PTPRM: variants seen among roughly 807,000 people sequenced by gnomAD.
PTPRM encodes the protein receptor-type tyrosine-protein phosphatase mu.
PTPRM carries 47 observed loss-of-function variants against 186.7 expected under a neutral mutation model. The observed-to-expected ratio is 0.25, with a 90% confidence interval of 0.20 to 0.32. The LOEUF (loss-of-function observed/expected upper bound fraction) is 0.32, where lower values mean the gene tolerates loss of function less well. Ranked by LOEUF, PTPRM falls within the 10% of genes least tolerant of loss-of-function variation. The pLI is 1.00. For synonymous variants in PTPRM, 668 were observed against 674.9 expected, an observed-to-expected ratio of 0.99 and a Z score of 0.16; for missense variants, 1,494 against 1,865.0, an observed-to-expected ratio of 0.80 and a Z score of 3.66.
At chr18:8,328,133 G>T (rs1407792878) in intron 22 of PTPRM, among the ~76,000 whole-genome samples, 2 of 152,066 alleles carry the variant, frequency 1.3e-5, no homozygotes, top group Non-Finnish European at 2.9e-5. Context: ...GTTTAATAAG[G>T]ATTTTTCAAA....
At chr18:7,905,656 G>A (rs909175736) in intron 3 of PTPRM, among the ~76,000 whole-genome samples, 4 of 152,050 alleles carry the variant, frequency 2.6e-5, no homozygotes, top group African/African-American at 7.2e-5. Flanking sequence ...CCACCTCAGG[G>A]CCTTCACATG....
At chr18:8,260,685 A>G (rs1461547167) in intron 19 of PTPRM, among the ~76,000 whole-genome samples, 3 of 152,210 alleles carry the variant, frequency 2.0e-5, no homozygotes, top group African/African-American at 7.2e-5. Flanking sequence ...TAGCACCAGC[A>G]TATCCTACAA....
intron 1 of PTPRM, among the ~76,000 whole-genome samples, chr18:7,761,440 G>A (rs1031711652): frequency 6.6e-6 from 1 of 152,136 alleles, no homozygotes; most frequent in African/African-American, 2.4e-5. Context: ...CCAGTATGAT[G>A]CACATAAAGT....
chr18:7,802,482 G>T (rs1221935603), intron 2 of PTPRM, among the ~76,000 whole-genome samples: 1 of 152,002 alleles, frequency 6.6e-6, no homozygotes, highest in Non-Finnish European at 1.5e-5. Context: ...GGGACAGAGG[G>T]GAGCCCTGGT....
At chr18:7,782,535 C>G (rs1218428849) in intron 2 of PTPRM, among the ~76,000 whole-genome samples, 2 of 152,144 alleles carry the variant, frequency 1.3e-5, no homozygotes, top group Non-Finnish European at 2.9e-5. Flanking sequence ...TTGTCCTTCT[C>G]CAGAACTTCT....
chr18:8,261,826 G>A (rs1201518337), intron 19 of PTPRM, among the ~76,000 whole-genome samples: 1 of 152,176 alleles, frequency 6.6e-6, no homozygotes, highest in African/African-American at 2.4e-5. Context: ...CAACTGTCTG[G>A]TTTCCATTTT....
Position 8,354,972 on chromosome 18 carries a change from A to T in PTPRM, c.3054+11452A>T, listed in dbSNP as rs575208441. Among the ~76,000 whole-genome samples the T allele has an allele frequency of 5.3e-4, 81 of 152,310 alleles. 1 individual carries two copies. The highest frequency in any genetic ancestry group is 1.9e-3 in the African/African-American group (78 of 41,556). ...TAGAGTAGACATAAGAGTAACTGGG[A>T]GTCTGAAAAGAAGATGTAATTGCCT... is the stretch of plus-strand genomic sequence containing the variant. On this transcript the variant is annotated intron_variant, in intron 23 of 32. Coordinates refer to ENST00000580170, the MANE Select transcript of PTPRM (RefSeq NM_001105244.2).
chr18:8,349,949 C>T (rs992412012), intron 23 of PTPRM, among the ~76,000 whole-genome samples: 8 of 152,178 alleles, frequency 5.3e-5, no homozygotes, highest in Non-Finnish European at 1.5e-5. Flanking sequence ...CTGTTGTGGT[C>T]TCAGAGGCCA....
rs377182615 is a variant in PTPRM, at chr18:7,842,930, G to GTGTGTA, written c.197-45175_197-45174insGTGTAT. On this transcript the variant is annotated intron_variant, in intron 2 of 32. Transcript: ENST00000580170. ...CTCATATGTGTGTGTGTGTGTGTGTGTATATATATATATATATAGAGAGAG... is the reference window on the plus strand; with the variant it reads ...CTCATATGTGTGTGTGTGTGTGTGTGTGTGTATATATATATATATATATAGAGAGAG... Among the ~76,000 whole-genome samples, 64 of 100,930 alleles carry GTGTGTA rather than the reference G, an allele frequency of 6.3e-4. 1 individual carries two copies. The highest frequency in any genetic ancestry group is 2.8e-3 in the African/African-American group (56 of 20,206). 66.2% of individuals were successfully genotyped at this position (100,930 alleles called of 152,430 possible). A position where few individuals can be genotyped will look rare whatever the true frequency, so the allele number is the denominator to read the frequency against.
At chr18:7,978,998 G>A (rs189953984) in intron 7 of PTPRM, among the ~76,000 whole-genome samples, 11 of 152,208 alleles carry the variant, frequency 7.2e-5, no homozygotes, top group Admixed American at 2.0e-4. Context: ...CCATAGGCCC[G>A]TGGCAAAGAA....
chr18:7,972,478 T>TAAAAAAAAAAAAAAAAAAAAAA (rs1491072208), intron 7 of PTPRM, among the ~76,000 whole-genome samples: 1 of 8,130 alleles, frequency 1.2e-4, no homozygotes, highest in South Asian at 3.3e-3. Context: ...AAAAAAAACA[T>TAAAAAAAAAAAAAAAAAAAAAA]TAAAAAAAAA....
intron 17 of PTPRM, among the ~76,000 whole-genome samples, chr18:8,249,328 A>G (rs1601468695): frequency 6.6e-6 from 1 of 152,278 alleles, no homozygotes; most frequent in African/African-American, 2.4e-5. Context: ...TTAAGATAGA[A>G]CTTTAAGAAT....
At chr18:8,326,297 G>A (rs573145038) in intron 22 of PTPRM, among the ~76,000 whole-genome samples, 1 of 152,256 alleles carries the variant, frequency 6.6e-6, no homozygotes, top group South Asian at 2.1e-4. Context: ...GATACAAACA[G>A]TGAAAAAATA....
intron 23 of PTPRM, among the ~76,000 whole-genome samples, chr18:8,359,715 G>T (rs192210804): frequency 3.9e-5 from 6 of 152,242 alleles, no homozygotes; most frequent in African/African-American, 1.2e-4. Context: ...CGGTTTTACA[G>T]TGTGGTTCCA....
At chr18:8,387,823 C>T (rs1422150515) in intron 31 of PTPRM, among the ~76,000 whole-genome samples, 1 of 152,022 alleles carries the variant, frequency 6.6e-6, no homozygotes, top group East Asian at 1.9e-4. Context: ...TGGTTACAGC[C>T]AGTGTCCCCA....
chr18:8,264,300 A>G (rs538190220), intron 19 of PTPRM, among the ~76,000 whole-genome samples: 45 of 152,320 alleles, frequency 3.0e-4, no homozygotes, highest in Non-Finnish European at 4.7e-4. Context: ...TAACATGACT[A>G]TTCCAACAAA....
intron 20 of PTPRM, among the ~76,000 whole-genome samples, chr18:8,310,276 C>T (rs2095257925): frequency 6.6e-6 from 1 of 151,820 alleles, no homozygotes; most frequent in Non-Finnish European, 1.5e-5. Context: ...CCCATTGTCT[C>T]CCCACTCCCA....
chr18:8,165,874 T>A (rs2093316103), intron 14 of PTPRM, among the ~76,000 whole-genome samples: 2 of 152,312 alleles, frequency 1.3e-5, no homozygotes, highest in Non-Finnish European at 2.9e-5. Context: ...TTGATTTTTT[T>A]TAAATGTAAG....
chr18:7,693,210 A>G lies in PTPRM; in HGVS notation c.74-80939A>G, dbSNP rs116077253. ...CTGATCTACATGAATGTGTTTTTAT[A>G]CAAAGATTAACGGGTGACATTGGAG... On this transcript the variant is annotated intron_variant, in intron 1 of 32. Transcript: ENST00000580170. Among the ~76,000 whole-genome samples the G allele has an allele frequency of 4.0e-3, 605 of 152,294 alleles. 5 individuals are homozygous for G. Among genetic ancestry groups the G allele is most frequent in the African/African-American group, 0.014 (585 of 41,554 alleles).
Sources: gnomAD v4.1 joint callset for allele counts (sites outside exome capture counted in the v4.1 genomes callset) on GRCh38, gnomAD v4.1.1 for gene constraint, MANE v1.5 for transcripts, NCBI Gene and HGNC (gene_info 2026-07-23, HGNC 2026-07-21) for gene names.